Variants in COPG2 observed in about 807,000 individuals in gnomAD.
COPG2 encodes coatomer subunit gamma-2.
A neutral mutation model predicts 46.3 loss-of-function variants in COPG2; 37 were observed. The observed-to-expected ratio is 0.80, with a 90% CI of 0.61 to 1.05. The LOEUF is 1.05. Among genes scored for constraint, COPG2 ranks in the 50% least tolerant of loss-of-function variants. COPG2 has a pLI of 0.00. For missense variants in COPG2, 427 were observed against 387.8 expected (o/e 1.10, Z -0.85); for synonymous variants, 159 against 129.7 (o/e 1.23, Z -1.53).
intron 5 of COPG2, among the ~76,000 whole-genome samples, chr7:130,650,668 C>A (rs1187452741): frequency 6.6e-6 from 1 of 152,154 alleles, no homozygotes; most frequent in African/African-American, 2.4e-5. Flanking sequence ...TACTCACTTT[C>A]CTGGCTTCCT....
intron 9 of COPG2, among the ~76,000 whole-genome samples, chr7:130,568,192 T>C (rs984965947): frequency 6.6e-6 from 1 of 152,096 alleles, no homozygotes; most frequent in Non-Finnish European, 1.5e-5. Flanking sequence ...GGAGAATCAC[T>C]TGAACCTGGG....
At chr7:130,610,809 CA>C (rs781955605) in intron 9 of COPG2, 143 bp downstream of exon 9, 4 of 809,568 alleles carry the variant, frequency 4.9e-6, no homozygotes, top group East Asian at 5.1e-5. Flanking sequence ...CTTGAAATTC[CA>C]TAATTTTTTT....
intron 5 of COPG2, among the ~76,000 whole-genome samples, chr7:130,624,650 G>C (rs1396608310): frequency 1.3e-5 from 2 of 152,060 alleles, no homozygotes; most frequent in African/African-American, 2.4e-5. Context: ...GCTCCCACCT[G>C]TAAGTTAAAC....
At chr7:130,590,314 T>C (rs992508900) in intron 9 of COPG2, among the ~76,000 whole-genome samples, 1 of 152,162 alleles carries the variant, frequency 6.6e-6, no homozygotes, top group Non-Finnish European at 1.5e-5. Flanking sequence ...GAGCCGAAGC[T>C]GGACTGTGCT....
chr7:130,631,615 T>A (rs989763781), intron 5 of COPG2, among the ~76,000 whole-genome samples: 6 of 152,362 alleles, frequency 3.9e-5, no homozygotes, highest in African/African-American at 1.2e-4. Flanking sequence ...TTAGATTTTC[T>A]TCAAGTGCTA....
In COPG2 at chr7:130,668,685, G is replaced by T; in HGVS notation, c.-17C>A. 1 of 1,532,100 alleles carries T rather than the reference G, an allele frequency of 6.5e-7. No homozygotes were observed. The highest frequency in any genetic ancestry group is 8.8e-7 in the Non-Finnish European group (1 of 1,140,860). The allele number at this position is 1,532,100 out of a possible 1,614,324, so 94.9% of individuals were successfully genotyped here. On this transcript the variant is annotated 5_prime_UTR_variant, in exon 1 of 24. In the 5' UTR this introduces an upstream ATG that the reference lacks. Coordinates refer to ENST00000425248, the MANE Select transcript of COPG2 (RefSeq NM_012133.6). ...TTTAATCATCTTGGACGACTTCCCAGCGCCCAGACCCACCGCAACCGTCCC... is the reference window on the plus strand; with the variant it reads ...TTTAATCATCTTGGACGACTTCCCATCGCCCAGACCCACCGCAACCGTCCC...
chr7:130,542,368 A>G (rs1793346932), intron 20 of COPG2, among the ~76,000 whole-genome samples: 2 of 152,126 alleles, frequency 1.3e-5, no homozygotes, highest in South Asian at 4.2e-4. Flanking sequence ...GAGACGATGG[A>G]AGGCCAGAGG....
intron 1 of COPG2, among the ~76,000 whole-genome samples, chr7:130,668,376 A>T (rs1348045473): frequency 6.7e-6 from 1 of 149,232 alleles, no homozygotes; most frequent in East Asian, 2.0e-4. Context: ...GCTGCGCCGC[A>T]AGAGGGGCGG....
chr7:130,516,897 A>G (rs1310990320), intron 20 of COPG2, among the ~76,000 whole-genome samples: 1 of 152,180 alleles, frequency 6.6e-6, no homozygotes, highest in African/African-American at 2.4e-5. Flanking sequence ...GAATCCTATG[A>G]AAGTGTAGGC....
At chr7:130,668,409 G>A (rs1355410100) in intron 1 of COPG2, among the ~76,000 whole-genome samples, 2 of 148,598 alleles carry the variant, frequency 1.3e-5, no homozygotes, top group East Asian at 2.0e-4. Context: ...CGCGGGCGCC[G>A]GGGCGGGAGC....
chr7:130,508,741 T>G, intron 20 of COPG2, 82 bp from the exon 21 acceptor site: 1 of 675,598 alleles, frequency 1.5e-6, no homozygotes, highest in South Asian at 1.7e-5. Context: ...CTCAGCACTG[T>G]GTTCCACATT....
intron 5 of COPG2, among the ~76,000 whole-genome samples, chr7:130,626,387 C>A (rs966262018): frequency 6.1e-5 from 9 of 148,600 alleles, no homozygotes; most frequent in Admixed American, 3.4e-4. Context: ...GTGCCTGCCA[C>A]CACACCAGGC....
chr7:130,542,759 G>T (rs1213178338), intron 20 of COPG2, among the ~76,000 whole-genome samples: 4 of 152,150 alleles, frequency 2.6e-5, no homozygotes, highest in Non-Finnish European at 5.9e-5. Flanking sequence ...GAAGTTTATG[G>T]TAAAAGAAGG....
intron 9 of COPG2, among the ~76,000 whole-genome samples, chr7:130,608,754 TTC>T (rs1374329872): frequency 1.3e-5 from 2 of 152,150 alleles, no homozygotes; most frequent in East Asian, 3.8e-4. Context: ...CTTTCATTCT[TTC>T]TCTTTTGGTT....
At chr7:130,564,632 G>C (rs1793773823) in intron 9 of COPG2, 1 of 329,564 alleles carries the variant, frequency 3.0e-6, no homozygotes, top group African/African-American at 2.1e-5. Flanking sequence ...TTTAAGAAAA[G>C]TAGCTGAATC....
At position 130,605,262 on chromosome 7, in the gene COPG2, CA is replaced by C. The variant is rs782448841; in HGVS notation, c.737+5690del. On this transcript the variant is annotated intron_variant, in intron 9 of 23. Coordinates refer to ENST00000425248, the MANE Select transcript of COPG2 (RefSeq NM_012133.6). ...CTAATCTGCTGTTAAGTCCATTCAG[CA>C]AATTATCTGATTCAGTTATTGCACT... 4 of 519,896 alleles carry C rather than the reference CA, an allele frequency of 7.7e-6. No individual in the cohort carries two copies. In the Admixed American group the frequency reaches 7.8e-5, roughly 10 times the overall value. The allele number at this position is 519,896 out of a possible 1,614,324, so 32.2% of individuals were successfully genotyped here.
rs1050785086 is a variant in COPG2 at position 130,548,759 on chromosome 7, T to G, written c.1838-217A>C. Among the ~76,000 whole-genome samples, 343 of 151,792 alleles carry G rather than the reference T, an allele frequency of 2.3e-3. 2 individuals carry two copies. The highest frequency in any genetic ancestry group is 7.9e-3 in the African/African-American group (325 of 41,320). On this transcript the variant is annotated intron_variant, in intron 18 of 23. Coordinates refer to ENST00000425248, the MANE Select transcript of COPG2 (RefSeq NM_012133.6). ...GGTGAAACCCCGTCTCTACTAAAAATACAAAAAAATTAGTCAGGCGTGGTG... is the reference window on the plus strand; with the variant it reads ...GGTGAAACCCCGTCTCTACTAAAAAGACAAAAAAATTAGTCAGGCGTGGTG...
At chr7:130,609,219 G>C (rs1169714314) in intron 9 of COPG2, among the ~76,000 whole-genome samples, 2 of 152,134 alleles carry the variant, frequency 1.3e-5, no homozygotes, top group Non-Finnish European at 2.9e-5. Context: ...CCATTGATAT[G>C]GTTTGCCTGT....
At position 130,507,287 on chromosome 7, in the gene COPG2, C is replaced by T. The variant is rs1805166; in HGVS notation, c.2472G>A (p.Ser824=). 588 of 780,650 alleles carry T rather than the reference C, an allele frequency of 7.5e-4. 1 individual carries two copies. The highest frequency in any genetic ancestry group is 1.3e-3 in the Non-Finnish European group (533 of 417,820). The allele number at this position is 780,650 out of a possible 1,614,324, so 48.4% of individuals were successfully genotyped here. A position where few individuals can be genotyped will look rare whatever the true frequency, so the allele number is the denominator to read the frequency against. Residue 824 remains serine (S), a synonymous_variant, in exon 23 of 24, where the codon TCG becomes TCA. Coordinates refer to ENST00000425248, the MANE Select transcript of COPG2 (RefSeq NM_012133.6). ...GAAGCTTCTTACCTGCCAGATAGAG[C>T]GAATGGGAATTCTTGTTCTCAGGTA... ...DKVPENKNSH[S]LYLAGIFRGG...
Sources: gnomAD v4.1 joint callset for allele counts (sites outside exome capture counted in the v4.1 genomes callset) on GRCh38, gnomAD v4.1.1 for gene constraint, MANE v1.5 for transcripts, NCBI Gene and HGNC (gene_info 2026-07-23, HGNC 2026-07-21) for gene names.